Variants in CAPN3 observed in about 807,000 individuals in gnomAD.
CAPN3 encodes calpain-3.
In CAPN3, 88 loss-of-function variants were observed where a neutral mutation model predicts 114.0. The ratio of observed to expected loss-of-function variants is 0.77; its 90% CI spans 0.65 to 0.92. The LOEUF (loss-of-function observed/expected upper bound fraction) is 0.92. CAPN3 is among the 40% of genes least tolerant of loss of function. The pLI, the probability that CAPN3 is intolerant of heterozygous loss-of-function variation, is 0.00. For missense variants in CAPN3, 1,028 were observed against 1,069.0 expected (o/e 0.96, Z 0.53); for synonymous variants, 386 against 382.9 (o/e 1.01, Z -0.09).
Position 42,405,917 on chromosome 15 carries a change from C to A in CAPN3, c.1783-9C>A, listed in dbSNP as rs1555422573. Reference sequence around the variant, plus strand: ...TATTCTGCATTTACTGTTTCCTTTTCTTATGCAGAAAAAGAAAAAAACCAA... The same window carrying A: ...TATTCTGCATTTACTGTTTCCTTTTATTATGCAGAAAAAGAAAAAAACCAA... On this transcript the variant is annotated splice_polypyrimidine_tract_variant and intron_variant, in intron 14 of 23. Coordinates refer to ENST00000397163, the MANE Select transcript of CAPN3 (RefSeq NM_000070.3). 1 of 1,610,508 alleles carries A rather than the reference C, an allele frequency of 6.2e-7. No individual in the cohort carries two copies. The highest frequency in any genetic ancestry group is 8.5e-7 in the Non-Finnish European group (1 of 1,176,834).
At chr15:42,405,295 A>AT (rs991557658) in intron 14 of CAPN3, among the ~76,000 whole-genome samples, 47 of 152,200 alleles carry the variant, frequency 3.1e-4, no homozygotes, top group East Asian at 5.8e-4. Context: ...AACCAATTTC[A>AT]TTTTTTTATT....
intron 19 of CAPN3, 90 bp downstream of exon 19, chr15:42,410,085 C>G: frequency 8.5e-7 from 1 of 1,178,772 alleles, no homozygotes; most frequent in East Asian, 2.3e-5. Context: ...GCAAAGGGCC[C>G]TAATTTGTGC....
intron 5 of CAPN3, 95 bp from the exon 6 acceptor site, chr15:42,389,858 C>T: frequency 7.8e-7 from 1 of 1,286,470 alleles, no homozygotes; most frequent in East Asian, 2.3e-5. Context: ...CTTTGTCTGT[C>T]CCATCTCTTT....
rs545596816 is a variant in CAPN3 at position 42,387,159 on chromosome 15, C to T, written c.499-594C>T. ...TCTCATTTCAATGAGGGAGAAAGTGCCATTGAAAAGGAGACTAAACCACAT... is the reference window on the plus strand; with the variant it reads ...TCTCATTTCAATGAGGGAGAAAGTGTCATTGAAAAGGAGACTAAACCACAT... On this transcript the variant is annotated intron_variant, in intron 3 of 23. Coordinates refer to ENST00000397163, the MANE Select transcript of CAPN3 (RefSeq NM_000070.3). Among the ~76,000 whole-genome samples, 6 of 152,268 alleles carry T rather than the reference C, an allele frequency of 3.9e-5. No individual in the cohort carries two copies. In the South Asian group the frequency reaches 1.2e-3, roughly 32 times the overall value.
In CAPN3 at chr15:42,384,472, T is replaced by C; in HGVS notation, c.310-11T>C. ...TTATTCTTACCTGGTCATTTCCTTT[T>C]TGTTTCACAGGAAATTTGCGAGAAT... On this transcript the variant is annotated splice_polypyrimidine_tract_variant and intron_variant, in intron 1 of 23. Transcript: ENST00000397163. The C allele has an allele frequency of 6.2e-7, 1 of 1,603,120 alleles. No homozygotes were observed. The highest frequency in any genetic ancestry group is 8.5e-7 in the Non-Finnish European group (1 of 1,169,904).
chr15:42,403,551 C>T (rs947300796), intron 13 of CAPN3, among the ~76,000 whole-genome samples, 190 bp from the exon 14 acceptor site: 3 of 152,214 alleles, frequency 2.0e-5, no homozygotes, highest in East Asian at 1.9e-4. Flanking sequence ...CAAGAACCTG[C>T]GTGCCTGGGC....
chr15:42,383,093 G>C (rs1427961912), intron 1 of CAPN3, among the ~76,000 whole-genome samples: 1 of 152,184 alleles, frequency 6.6e-6, no homozygotes, highest in Non-Finnish European at 1.5e-5. Context: ...CAGAGTTGCA[G>C]ATGGGACGCA....
At chr15:42,386,021 C>T (rs1017656439) in intron 2 of CAPN3, 146 bp from the exon 3 acceptor site, 3 of 759,610 alleles carry the variant, frequency 3.9e-6, no homozygotes, top group Middle Eastern at 2.7e-4. Context: ...TGGGTTGACA[C>T]CTCTGTAAGG....
rs751666282 is a variant in CAPN3 at position 42,402,913 on chromosome 15, C to A, written c.1656C>A (p.Ser552Arg). 3 of 1,614,204 alleles carry A rather than the reference C, an allele frequency of 1.9e-6. No homozygotes were observed. The highest frequency in any genetic ancestry group is 3.3e-5 in the Admixed American group (2 of 60,032). Residue 552 changes from serine to arginine, a missense_variant, in exon 13 of 24, where the codon AGC (serine) becomes AGA (arginine). Ser to Arg is a moderately radical substitution (Grantham distance 110). Coordinates refer to ENST00000397163, the MANE Select transcript of CAPN3 (RefSeq NM_000070.3). ...CCCAGCGCTTCCGCCTGCCTCCCAG[C>A]GAGTACGTCATCGTGCCCTCCACCT... ...EVSQRFRLPPSEYVIVPSTYE... is the reference protein window; with the variant it reads ...EVSQRFRLPPREYVIVPSTYE...
At position 42,389,089 on chromosome 15, in the gene CAPN3, C is replaced by T. The variant is rs886043166; in HGVS notation, c.794C>T (p.Ser265Phe). The change falls in exon 5 of 24, where the codon TCC becomes TTC. Residue 265 changes from serine (S) to phenylalanine (F), a missense_variant. Transcript: ENST00000397163. ...AIERGSLMGC[S>F]IDDGTNMTYG... ...GAGAGAGGCTCCCTCATGGGCTGCT[C>T]CATTGATGTAAGTCTGGGGTGTGGG... 1 of 1,613,962 alleles carries T rather than the reference C, an allele frequency of 6.2e-7. No homozygotes were observed. The highest frequency in any genetic ancestry group is 8.5e-7 in the Non-Finnish European group (1 of 1,179,982).
chr15:42,410,320 A>G (rs2054171476), intron 19 of CAPN3, 108 bp from the exon 20 acceptor site: 3 of 996,244 alleles, frequency 3.0e-6, no homozygotes, highest in Non-Finnish European at 4.8e-6. Flanking sequence ...GGAGGGTTAA[A>G]TAGTACAACA....
intron 1 of CAPN3, among the ~76,000 whole-genome samples, chr15:42,367,648 T>C (rs1480561665): frequency 6.6e-6 from 1 of 152,218 alleles, no homozygotes; most frequent in African/African-American, 2.4e-5. Context: ...GAGAAAAGGA[T>C]GGCTCCATCT....
In CAPN3 at chr15:42,386,239, A is replaced by C. The variant is rs766369281; in HGVS notation, c.452A>C (p.His151Pro). 5 of 1,614,074 alleles carry C rather than the reference A, an allele frequency of 3.1e-6. No individual in the cohort carries two copies. The South Asian group carries it at 5.5e-5, about 18-fold the overall frequency. ...NQHLLFRVIP[H>P]DQSFIENYAG... ...CACCTTCTTTTCCGAGTCATACCCC[A>C]TGATCAAAGTTTCATCGAAAACTAC... Residue 151 changes from histidine to proline, a missense_variant, in exon 3 of 24, where the codon CAT (histidine) becomes CCT (proline). Physicochemically the swap from His to Pro is moderately conservative, Grantham distance 77. Coordinates refer to ENST00000397163, the MANE Select transcript of CAPN3 (RefSeq NM_000070.3).
rs1481513890 is a variant in CAPN3 at position 42,410,990 on chromosome 15, G to A, written c.2370G>A (p.Glu790=). 1 of 1,613,172 alleles carries A rather than the reference G, an allele frequency of 6.2e-7. No homozygotes were observed. The highest frequency in any genetic ancestry group is 8.5e-7 in the Non-Finnish European group (1 of 1,179,096). The part of the protein sequence containing the change: ...DSFICCFVRL[E]GMFRAFHAFD... The stretch of plus-strand genomic sequence containing the variant: ...TCATCTGCTGCTTCGTTAGGCTGGA[G>A]GGCATGTTCAGTAAGTGGGAGAGGG... Residue 790 remains glutamate, a synonymous_variant, in exon 22 of 24, where the codon GAG becomes GAA. Transcript: ENST00000397163.
At position 42,392,696 on chromosome 15, in the gene CAPN3, G is replaced by A. The variant is rs779526097; in HGVS notation, c.1003G>A (p.Ala335Thr). The A allele has an allele frequency of 1.7e-5, 27 of 1,613,740 alleles. 1 individual carries two copies. The South Asian group carries it at 2.2e-4, about 13-fold the overall frequency. ...RMACGLVRGH[A>T]YSVTGLDEVP... The stretch of plus-strand genomic sequence containing the variant: ...GGCCTGCGGGCTGGTCAGAGGTCAC[G>A]CCTACTCTGTCACGGGGCTGGATGA... Residue 335 changes from alanine to threonine, a missense_variant, in exon 7 of 24, where the codon GCC becomes ACC. Ala to Thr is a moderately conservative substitution (Grantham distance 58). Coordinates refer to ENST00000397163, the MANE Select transcript of CAPN3 (RefSeq NM_000070.3).
Position 42,380,368 on chromosome 15 carries a change from C to CTTTTTTT in CAPN3, c.310-4092_310-4086dup, listed in dbSNP as rs776441239. 7.6e-4 allele frequency among the ~76,000 whole-genome samples: 35 copies of CTTTTTTT among 46,108 alleles called. 1 individual carries two copies. Among genetic ancestry groups the CTTTTTTT allele is most frequent in the Non-Finnish European group, 9.6e-4 (25 of 26,016 alleles). The allele number at this position is 46,108 out of a possible 152,430, so 30.2% of individuals were successfully genotyped here. On this transcript the variant is annotated intron_variant, in intron 1 of 23. Transcript: ENST00000397163. ...TATCCTTTTACCTCTTCTTTTTTGT[C>CTTTTTTT]TTTTTTTTTTTTTTTTTTTTTTTTT...
intron 1 of CAPN3, among the ~76,000 whole-genome samples, chr15:42,376,576 T>C (rs920858182): frequency 6.6e-6 from 1 of 151,884 alleles, no homozygotes; most frequent in African/African-American, 2.4e-5. Context: ...TTGAGCACTT[T>C]CTTACTTTCT....
chr15:42,368,867 C>T (rs2052857391), intron 1 of CAPN3, among the ~76,000 whole-genome samples: 1 of 152,132 alleles, frequency 6.6e-6, no homozygotes, highest in African/African-American at 2.4e-5. Flanking sequence ...GCTTGGGCAC[C>T]ATGGTGAAAC....
intron 7 of CAPN3, 113 bp downstream of exon 7, chr15:42,392,835 G>A: frequency 1.3e-6 from 1 of 769,370 alleles, no homozygotes; most frequent in South Asian, 1.5e-5. Context: ...CTCCAATCAG[G>A]ACATTCAGTT....
Sources: gnomAD v4.1 joint callset for allele counts (sites outside exome capture counted in the v4.1 genomes callset) on GRCh38, gnomAD v4.1.1 for gene constraint, MANE v1.5 for transcripts, NCBI Gene and HGNC (gene_info 2026-07-23, HGNC 2026-07-21) for gene names.